Variants in SOX5 observed in about 807,000 individuals in gnomAD.
SOX5 encodes SRY-box transcription factor 5, also known as transcription factor SOX-5.
SOX5 carries 9 observed loss-of-function variants against 92.0 expected under a neutral mutation model. The ratio of observed to expected loss-of-function variants is 0.10; its 90% CI spans 0.06 to 0.17. The LOEUF is 0.17. Among genes scored for constraint, SOX5 ranks in the 10% least tolerant of loss-of-function variants. SOX5 has a pLI of 1.00. For synonymous variants in SOX5, 344 were observed against 336.3 expected, an observed-to-expected ratio of 1.02 and a Z score of -0.25; for missense variants, 642 against 944.5, an observed-to-expected ratio of 0.68 and a Z score of 4.20.
chr12:24,376,689 C>CTTTTT lies in SOX5; in HGVS notation c.-250-8051_-250-8050insAAAAA, dbSNP rs1480014070. 1.3e-3 allele frequency among the ~76,000 whole-genome samples: 120 copies of CTTTTT among 93,100 alleles called. 11 individuals are homozygous for CTTTTT. The highest frequency in any genetic ancestry group is 0.015 in the Middle Eastern group (2 of 132). 61.1% of individuals were successfully genotyped at this position (93,100 alleles called of 152,430 possible). A position where few individuals can be genotyped will look rare whatever the true frequency, so the allele number is the denominator to read the frequency against. On this transcript the variant is annotated intron_variant, in intron 1 of 4. Transcript: ENST00000446891. The stretch of plus-strand genomic sequence containing the variant: ...TCAGAATGATGCTATGGGAGAGATA[C>CTTTTT]CTTTTTTTTTTTTTTTTTTTTTTTT...
intron 4 of SOX5, among the ~76,000 whole-genome samples, chr12:23,749,558 G>T (rs1475837243): frequency 6.6e-6 from 1 of 151,662 alleles, no homozygotes; most frequent in Non-Finnish European, 1.5e-5. Context: ...GTTGCCCCAC[G>T]GTAGATGTTT....
intron 1 of SOX5, among the ~76,000 whole-genome samples, chr12:24,559,096 T>C (rs1328003365): frequency 6.6e-6 from 1 of 152,256 alleles, no homozygotes; most frequent in East Asian, 1.9e-4. Context: ...GACTTTTATT[T>C]CATTAACTAT....
At chr12:23,657,094 G>A (rs2139204020) in intron 7 of SOX5, among the ~76,000 whole-genome samples, 1 of 150,206 alleles carries the variant, frequency 6.7e-6, no homozygotes, top group East Asian at 1.9e-4. Context: ...AGTTGCTGTA[G>A]TTCTTTCTCG....
chr12:24,295,502 A>G (rs1324579485), intron 2 of SOX5, among the ~76,000 whole-genome samples: 1 of 152,200 alleles, frequency 6.6e-6, no homozygotes, highest in African/African-American at 2.4e-5. Context: ...GCTCTGAATT[A>G]TTTGTGCTCA....
chr12:23,929,626 T>G (rs1443632149), intron 1 of SOX5, among the ~76,000 whole-genome samples: 1 of 151,934 alleles, frequency 6.6e-6, no homozygotes, highest in Non-Finnish European at 1.5e-5. Flanking sequence ...AAAATCCAAC[T>G]AGTCATAATT....
At chr12:23,985,223 A>C (rs1054083284) in intron 4 of SOX5, among the ~76,000 whole-genome samples, 4 of 139,440 alleles carry the variant, frequency 2.9e-5, no homozygotes, top group African/African-American at 1.1e-4. Flanking sequence ...TTTTTATTGT[A>C]TTTTTTTATT....
At chr12:24,155,899 T>C (rs185427141) in intron 4 of SOX5, among the ~76,000 whole-genome samples, 6 of 151,920 alleles carry the variant, frequency 3.9e-5, no homozygotes, top group Admixed American at 2.0e-4. Context: ...TAGCAGGAGG[T>C]GACAGTAGAT....
chr12:23,998,517 G>A lies in SOX5; in HGVS notation c.-1-102493C>T, dbSNP rs573748217. ...AAAAAAGAGAGGAGGAAAAAAAGGG[G>A]CTAAAGGCCAGGAATGGTGGCTCAT... On this transcript the variant is annotated intron_variant, in intron 4 of 4. Coordinates refer to the SOX5 transcript ENST00000446891. Among the ~76,000 whole-genome samples the A allele has an allele frequency of 8.6e-4, 130 of 152,032 alleles. 1 individual carries two copies. Among genetic ancestry groups the A allele is most frequent in the African/African-American group, 3.1e-3 (128 of 41,498 alleles).
intron 4 of SOX5, among the ~76,000 whole-genome samples, chr12:24,039,213 T>C (rs1256729051): frequency 6.6e-6 from 1 of 152,152 alleles, no homozygotes; most frequent in Non-Finnish European, 1.5e-5. Flanking sequence ...AGAAGTAATG[T>C]AGCCACCCGA....
intron 4 of SOX5, among the ~76,000 whole-genome samples, chr12:24,100,833 G>A (rs1332438831): frequency 6.6e-6 from 1 of 152,070 alleles, no homozygotes; most frequent in Non-Finnish European, 1.5e-5. Context: ...TATGTCTAGA[G>A]TCCAGTCCCA....
intron 2 of SOX5, among the ~76,000 whole-genome samples, chr12:23,850,191 G>A (rs1460554832): frequency 6.6e-6 from 1 of 152,070 alleles, no homozygotes; most frequent in Admixed American, 6.6e-5. Context: ...AGCACTTTGG[G>A]AGACCAAGGT....
intron 4 of SOX5, among the ~76,000 whole-genome samples, chr12:23,989,768 A>G (rs1329276150): frequency 1.3e-5 from 2 of 152,136 alleles, no homozygotes; most frequent in Non-Finnish European, 2.9e-5. Flanking sequence ...CCCTCACCAG[A>G]GTCCAACCAT....
At chr12:23,896,606 A>C (rs973688915) in intron 1 of SOX5, among the ~76,000 whole-genome samples, 2 of 152,050 alleles carry the variant, frequency 1.3e-5, no homozygotes, top group Admixed American at 1.3e-4. Context: ...GGATTGAATA[A>C]ATTTTACAAT....
intron 3 of SOX5, among the ~76,000 whole-genome samples, chr12:24,240,325 T>C (rs1594701448): frequency 6.6e-6 from 1 of 152,300 alleles, no homozygotes; most frequent in Middle Eastern, 3.4e-3. Context: ...TGCCTCTGTT[T>C]CCTGTTCTTC....
intron 7 of SOX5, among the ~76,000 whole-genome samples, chr12:23,660,701 G>A (rs1170930043): frequency 8.2e-6 from 1 of 122,046 alleles, no homozygotes; most frequent in Non-Finnish European, 1.8e-5. Context: ...ATAACTTCCA[G>A]GTTAAAAAAA....
intron 4 of SOX5, among the ~76,000 whole-genome samples, chr12:23,972,106 G>T (rs563411812): frequency 6.6e-6 from 1 of 152,134 alleles, no homozygotes; most frequent in African/African-American, 2.4e-5. Context: ...TTTGGCCTAA[G>T]GATGGGGGAG....
intron 11 of SOX5, among the ~76,000 whole-genome samples, chr12:23,554,912 A>G (rs1354891668): frequency 1.3e-5 from 2 of 152,132 alleles, no homozygotes; most frequent in Non-Finnish European, 2.9e-5. Context: ...CTTCATTGTA[A>G]GTAAGTGTCT....
chr12:23,655,472 G>A (rs12317642), intron 7 of SOX5, among the ~76,000 whole-genome samples: 58,726 of 151,938 alleles, frequency 0.39, 11,618 homozygotes, highest in African/African-American at 0.47. Context: ...AAGTATTAGA[G>A]AGTAGGAATT....
At chr12:23,705,688 C>T (rs1475620936) in intron 6 of SOX5, among the ~76,000 whole-genome samples, 1 of 152,044 alleles carries the variant, frequency 6.6e-6, no homozygotes, top group African/African-American at 2.4e-5. Flanking sequence ...GGCTCAGTGA[C>T]AGTGAAACAA....
Sources: allele counts gnomAD v4.1 joint callset (sites outside exome capture counted in the v4.1 genomes callset), GRCh38; gene constraint gnomAD v4.1.1; transcripts MANE v1.5; gene names NCBI Gene and HGNC (gene_info 2026-07-23, HGNC 2026-07-21).